The following RPH3A variants were observed in gnomAD, a reference collection of about 807,000 sequenced individuals.
RPH3A encodes the protein rabphilin 3A, also known as rabphilin-3A.
In RPH3A, 48 loss-of-function variants were observed where a neutral mutation model predicts 102.2. The ratio of observed to expected loss-of-function variants is 0.47; its 90% CI spans 0.37 to 0.60. The LOEUF (loss-of-function observed/expected upper bound fraction) is 0.60. Ranked by LOEUF, RPH3A falls within the 20% of genes least tolerant of loss-of-function variation. The pLI is 0.00. For synonymous variants in RPH3A, 310 were observed against 324.3 expected (o/e 0.96, Z 0.47); for missense variants, 781 against 910.1 (o/e 0.86, Z 1.83).
At chr12:112,600,947 A>C (rs960133675) in intron 1 of RPH3A, among the ~76,000 whole-genome samples, 1 of 152,214 alleles carries the variant, frequency 6.6e-6, no homozygotes, top group Admixed American at 6.5e-5. Flanking sequence ...ACAGGACGGC[A>C]GGAGAGAGAA....
intron 2 of RPH3A, among the ~76,000 whole-genome samples, chr12:112,802,762 A>T (rs1249233819): frequency 6.6e-6 from 1 of 151,880 alleles, no homozygotes; most frequent in African/African-American, 2.4e-5. Flanking sequence ...CTGGCTCCTC[A>T]TCACCTCTGT....
At chr12:112,662,615 G>T (rs2040056239) in intron 1 of RPH3A, among the ~76,000 whole-genome samples, 3 of 152,130 alleles carry the variant, frequency 2.0e-5, no homozygotes. Flanking sequence ...AAACTATATG[G>T]TTTCTCTCTC....
At chr12:112,826,265 G>A (rs1193770800) in intron 2 of RPH3A, among the ~76,000 whole-genome samples, 3 of 152,198 alleles carry the variant, frequency 2.0e-5, no homozygotes, top group Non-Finnish European at 4.4e-5. Context: ...GGGATGTTGA[G>A]GGAGCAGCAG....
chr12:112,583,012 G>C (rs2039411277), intron 1 of RPH3A, among the ~76,000 whole-genome samples: 2 of 152,076 alleles, frequency 1.3e-5, no homozygotes, highest in Admixed American at 1.3e-4. Context: ...GTGGCTTCGT[G>C]AATTTTCCCT....
chr12:112,765,555 A>C (rs112343308), intron 1 of RPH3A, among the ~76,000 whole-genome samples: 138 of 152,324 alleles, frequency 9.1e-4, no homozygotes, highest in African/African-American at 3.2e-3. Context: ...GTGGTCTTGC[A>C]TAAGGGCCTT....
chr12:112,682,160 G>T (rs1457107915), intron 1 of RPH3A, among the ~76,000 whole-genome samples: 1 of 152,108 alleles, frequency 6.6e-6, no homozygotes, highest in Non-Finnish European at 1.5e-5. Flanking sequence ...ATATAAGAGG[G>T]GATTTATTAT....
intron 1 of RPH3A, among the ~76,000 whole-genome samples, chr12:112,665,815 T>A (rs992209077): frequency 2.0e-5 from 3 of 152,208 alleles, no homozygotes; most frequent in African/African-American, 7.2e-5. Context: ...AGTTGTGAAT[T>A]CATTTGATAA....
chr12:112,721,912 GA>G (rs960512589), intron 1 of RPH3A, among the ~76,000 whole-genome samples: 4 of 151,860 alleles, frequency 2.6e-5, no homozygotes, highest in South Asian at 2.1e-4. Flanking sequence ...ATTAACAAAA[GA>G]AAAAAACCTC....
In RPH3A at chr12:112,771,173, A is replaced by G. The variant is rs138801026; in HGVS notation, c.-139-20970A>G. On this transcript the variant is annotated intron_variant, in intron 1 of 21. Coordinates refer to the RPH3A transcript ENST00000543106. ...TTGCCTATTTAAGTGAATCTGCTTA[A>G]ATACAAATGGTAGCATACTGAACAT... Among the ~76,000 whole-genome samples, 251 of 152,348 alleles carry G rather than the reference A, an allele frequency of 1.6e-3. 1 individual carries two copies. Among genetic ancestry groups the G allele is most frequent in the African/African-American group, 5.7e-3 (238 of 41,578 alleles).
chr12:112,859,705 G>A (rs1336237117), intron 5 of RPH3A, among the ~76,000 whole-genome samples: 1 of 152,152 alleles, frequency 6.6e-6, no homozygotes, highest in African/African-American at 2.4e-5. Context: ...CTCCTTTCCT[G>A]TTTCTTAAAG....
At chr12:112,716,775 T>C (rs1001435250) in intron 1 of RPH3A, among the ~76,000 whole-genome samples, 1 of 152,214 alleles carries the variant, frequency 6.6e-6, no homozygotes, top group Admixed American at 6.5e-5. Flanking sequence ...GGACAATTAG[T>C]GGTCTTTTCC....
intron 1 of RPH3A, among the ~76,000 whole-genome samples, chr12:112,618,347 A>G (rs529962625): frequency 2.0e-4 from 31 of 152,236 alleles, no homozygotes; most frequent in African/African-American, 6.7e-4. Context: ...CTGCAGAGCA[A>G]TTCCACAGTG....
chr12:112,868,187 C>T (rs2042643411), intron 7 of RPH3A: 2 of 465,954 alleles, frequency 4.3e-6, no homozygotes, highest in East Asian at 6.6e-5. Context: ...TTTGGATATT[C>T]CCCTTTCTCC....
intron 1 of RPH3A, among the ~76,000 whole-genome samples, chr12:112,731,877 A>C (rs1045386527): frequency 2.8e-4 from 43 of 152,262 alleles, no homozygotes; most frequent in South Asian, 2.1e-4. Flanking sequence ...TCTCTTGCCC[A>C]GTGAGATGCC....
Position 112,629,744 on chromosome 12 carries a change from T to A in RPH3A, c.-140+54425T>A, listed in dbSNP as rs916520554. ...CTCCCACCTGGGCCTTTCAATGTAT[T>A]TCACTTTTAATTGGGTCAATAATAA... On this transcript the variant is annotated intron_variant, in intron 1 of 21. Transcript: ENST00000543106. Among the ~76,000 whole-genome samples the A allele has an allele frequency of 3.3e-5, 5 of 152,166 alleles. No individual in the cohort carries two copies. The South Asian group carries it at 1.0e-3, about 32-fold the overall frequency.
intron 6 of RPH3A, among the ~76,000 whole-genome samples, chr12:112,866,390 C>G (rs1435275208): frequency 6.6e-6 from 1 of 152,024 alleles, no homozygotes; most frequent in East Asian, 1.9e-4. Flanking sequence ...TAGTCATAGT[C>G]TAGGTTGTCT....
At chr12:112,733,205 A>G (rs2040646027) in intron 1 of RPH3A, among the ~76,000 whole-genome samples, 1 of 152,160 alleles carries the variant, frequency 6.6e-6, no homozygotes, top group South Asian at 2.1e-4. Context: ...ACCCGTACAC[A>G]CACACCTGCA....
chr12:112,696,612 T>C (rs1416960874), intron 1 of RPH3A, among the ~76,000 whole-genome samples: 1 of 152,150 alleles, frequency 6.6e-6, no homozygotes, highest in Admixed American at 6.5e-5. Context: ...TTCCTTTTGA[T>C]GTGAATACAG....
chr12:112,629,325 C>G (rs2039787443), intron 1 of RPH3A, among the ~76,000 whole-genome samples: 1 of 150,700 alleles, frequency 6.6e-6, no homozygotes, highest in Non-Finnish European at 1.5e-5. Context: ...TTAATTTTAC[C>G]AAAACAAGAA....
Sources: allele counts gnomAD v4.1 joint callset (sites outside exome capture counted in the v4.1 genomes callset), GRCh38; gene constraint gnomAD v4.1.1; transcripts MANE v1.5; gene names NCBI Gene and HGNC (gene_info 2026-07-23, HGNC 2026-07-21).